The following RAB38 variants were observed in gnomAD, a reference collection of about 807,000 sequenced individuals.
The protein encoded by RAB38 is RAB38, member RAS oncogene family.
Under a neutral mutation model 18.4 loss-of-function variants are expected in RAB38, and 15 were observed. The ratio of observed to expected loss-of-function variants is 0.82; its 90% CI spans 0.55 to 1.26. The LOEUF (loss-of-function observed/expected upper bound fraction) is 1.26. RAB38 is among the 50% of genes most tolerant of loss of function. The pLI is 0.00. For synonymous variants in RAB38, 101 were observed against 104.4 expected (o/e 0.97, Z 0.20); for missense variants, 294 against 267.4 (o/e 1.10, Z -0.69).
chr11:87,900,920 C>T, the RAB38 span, among the ~76,000 whole-genome samples: 1 of 151,618 alleles, frequency 6.6e-6, no homozygotes, highest in Admixed American at 6.6e-5. Flanking sequence ...TTTTCTCATG[C>T]ATGTTTTACT....
chr11:87,872,096 T>C, the RAB38 span, among the ~76,000 whole-genome samples: 520 of 151,706 alleles, frequency 3.4e-3, 2 homozygotes, highest in Middle Eastern at 6.8e-3. Context: ...CTACCAACAG[T>C]ATCTGAGAGT....
At chr11:87,972,408 T>C in the RAB38 span, among the ~76,000 whole-genome samples, 1 of 152,038 alleles carries the variant, frequency 6.6e-6, no homozygotes, top group African/African-American at 2.4e-5. Context: ...ACTCACTCAC[T>C]TTACAGAGCA....
At chr11:87,876,419 T>C in the RAB38 span, among the ~76,000 whole-genome samples, 93 of 151,734 alleles carry the variant, frequency 6.1e-4, no homozygotes, top group African/African-American at 2.2e-3. Context: ...ATCTCCTCTT[T>C]CTTTCTCCCC....
the RAB38 span, among the ~76,000 whole-genome samples, chr11:87,823,038 AG>A: frequency 6.6e-6 from 1 of 152,214 alleles, no homozygotes; most frequent in African/African-American, 2.4e-5. Flanking sequence ...ACAGCCTCAA[AG>A]TATATAATCC....
At chr11:87,863,313 A>G in the RAB38 span, among the ~76,000 whole-genome samples, 1 of 151,888 alleles carries the variant, frequency 6.6e-6, no homozygotes, top group Non-Finnish European at 1.5e-5. Flanking sequence ...TAAAGATAAT[A>G]ACATACTGAA....
intron 1 of RAB38, chr11:88,174,147 T>G (rs1943346753): frequency 2.2e-6 from 2 of 930,142 alleles, no homozygotes; most frequent in South Asian, 5.0e-5. Flanking sequence ...CTTGCCCAAC[T>G]CCTTTCCACT....
At chr11:88,133,627 C>G (rs557591464) in intron 2 of RAB38, among the ~76,000 whole-genome samples, 1 of 152,102 alleles carries the variant, frequency 6.6e-6, no homozygotes, top group African/African-American at 2.4e-5. Context: ...ATTTAATAAC[C>G]TTATTTTCCT....
the RAB38 span, among the ~76,000 whole-genome samples, chr11:87,842,793 TGCACACACACACACACGCGCGC>T: frequency 1.4e-4 from 19 of 136,720 alleles, no homozygotes; most frequent in East Asian, 3.8e-3. Flanking sequence ...TGCATGCGCA[TGCACACACACACACACGCGCGC>T]GCACACACAC....
the RAB38 span, among the ~76,000 whole-genome samples, chr11:87,863,698 C>T: frequency 0.012 from 1,780 of 151,738 alleles, 38 homozygotes; most frequent in African/African-American, 0.041. Context: ...TGCTTGATCC[C>T]GTATTTTTAA....
the RAB38 span, among the ~76,000 whole-genome samples, chr11:87,867,232 G>C: frequency 1.3e-5 from 2 of 151,678 alleles, no homozygotes; most frequent in South Asian, 2.1e-4. Context: ...GTAAATTTTA[G>C]AGTTCAGTGG....
chr11:88,048,299 C>T, the RAB38 span, among the ~76,000 whole-genome samples: 1 of 152,170 alleles, frequency 6.6e-6, no homozygotes, highest in African/African-American at 2.4e-5. Context: ...TGACATAATT[C>T]CTCGGTTTGG....
chr11:87,815,494 T>C, the RAB38 span: 16 of 152,086 alleles, frequency 1.1e-4, no homozygotes, highest in African/African-American at 2.9e-4. Context: ...TTGGATTGTA[T>C]AATGGGGTGG....
the RAB38 span, among the ~76,000 whole-genome samples, chr11:87,926,266 C>G: frequency 6.6e-6 from 1 of 151,944 alleles, no homozygotes; most frequent in Non-Finnish European, 1.5e-5. Context: ...AGCTTCAAAC[C>G]TATGTTCCTG....
chr11:88,056,748 G>A, the RAB38 span, among the ~76,000 whole-genome samples: 2 of 152,074 alleles, frequency 1.3e-5, no homozygotes, highest in East Asian at 1.9e-4. Flanking sequence ...AGCTTGCAGT[G>A]AGCCAAGATC....
chr11:87,858,837 GA>G, the RAB38 span, among the ~76,000 whole-genome samples: 9 of 149,782 alleles, frequency 6.0e-5, no homozygotes, highest in Middle Eastern at 3.5e-3. Context: ...ATTAAACTGT[GA>G]AAAAAAATGA....
the RAB38 span, among the ~76,000 whole-genome samples, chr11:87,949,409 A>G: frequency 6.6e-6 from 1 of 151,990 alleles, no homozygotes; most frequent in South Asian, 2.1e-4. Flanking sequence ...CTCTGATCTT[A>G]GTTATTTCTT....
the RAB38 span, among the ~76,000 whole-genome samples, chr11:88,082,905 A>T: frequency 1.3e-5 from 2 of 151,914 alleles, no homozygotes; most frequent in South Asian, 2.1e-4. Context: ...TTTCTTTCTC[A>T]TAAAATCTAG....
chr11:88,029,690 T>C, the RAB38 span, among the ~76,000 whole-genome samples: 2 of 152,048 alleles, frequency 1.3e-5, no homozygotes, highest in East Asian at 3.9e-4. Context: ...CTATCCTAAA[T>C]ATATATGCAC....
chr11:88,127,864 A>C (rs988300192), intron 2 of RAB38, among the ~76,000 whole-genome samples: 14 of 152,270 alleles, frequency 9.2e-5, no homozygotes, highest in African/African-American at 3.4e-4. Context: ...CACATGTACA[A>C]TTACTTTTTA....
Sources: allele counts gnomAD v4.1 joint callset (sites outside exome capture counted in the v4.1 genomes callset), GRCh38; gene constraint gnomAD v4.1.1; transcripts MANE v1.5; gene names NCBI Gene and HGNC (gene_info 2026-07-23, HGNC 2026-07-21).